The following LINGO2 variants were observed in gnomAD, a reference collection of about 807,000 sequenced individuals.
LINGO2 encodes leucine-rich repeat and immunoglobulin-like domain-containing nogo receptor-interacting protein 2.
LINGO2 carries 14 observed loss-of-function variants against 30.6 expected under a neutral mutation model. The observed-to-expected ratio is 0.46, with a 90% confidence interval of 0.30 to 0.72. The LOEUF (loss-of-function observed/expected upper bound fraction) is 0.72, where lower values mean the gene tolerates loss of function less well. Ranked by LOEUF, LINGO2 falls within the 30% of genes least tolerant of loss-of-function variation. The probability of loss-of-function intolerance (pLI) is 0.07; values close to 1 mark genes in which losing one functional copy is unlikely to be tolerated. For synonymous variants in LINGO2, 317 were observed against 288.5 expected (o/e 1.10, Z -1.00); for missense variants, 729 against 751.7 (o/e 0.97, Z 0.35).
chr9:28,856,438 C>G, the LINGO2 span, among the ~76,000 whole-genome samples: 1 of 151,952 alleles, frequency 6.6e-6, no homozygotes, highest in Non-Finnish European at 1.5e-5. Flanking sequence ...TATGGTGGTT[C>G]TATGTGTTTT....
the LINGO2 span, among the ~76,000 whole-genome samples, chr9:28,880,135 G>A: frequency 7.9e-5 from 12 of 152,144 alleles, no homozygotes; most frequent in Non-Finnish European, 1.8e-4. Flanking sequence ...TTGAGACTGA[G>A]TCTCGCTCTG....
chr9:29,033,331 G>T, the LINGO2 span, among the ~76,000 whole-genome samples: 1 of 147,992 alleles, frequency 6.8e-6, no homozygotes, highest in African/African-American at 2.5e-5. Context: ...AAAAGTTTCT[G>T]GTTTGGATTG....
At chr9:28,184,657 G>C (rs140422916) in intron 4 of LINGO2, among the ~76,000 whole-genome samples, 2 of 152,104 alleles carry the variant, frequency 1.3e-5, no homozygotes, top group Non-Finnish European at 2.9e-5. Flanking sequence ...GAGTCTGATA[G>C]ACTGAGACAG....
the LINGO2 span, among the ~76,000 whole-genome samples, chr9:28,839,045 A>T: frequency 1.3e-5 from 2 of 152,192 alleles, no homozygotes; most frequent in African/African-American, 2.4e-5. Flanking sequence ...GCGCCTGGAA[A>T]CTTGGAGATA....
At chr9:29,116,946 A>G in the LINGO2 span, among the ~76,000 whole-genome samples, 1 of 152,168 alleles carries the variant, frequency 6.6e-6, no homozygotes, top group Non-Finnish European at 1.5e-5. Flanking sequence ...ATGTTCTCTT[A>G]AGGACATACT....
the LINGO2 span, among the ~76,000 whole-genome samples, chr9:28,837,681 T>TATA: frequency 7.6e-6 from 1 of 130,824 alleles, no homozygotes; most frequent in African/African-American, 2.9e-5. Context: ...TATATATATA[T>TATA]TTAGGATAAC....
chr9:28,368,762 A>G (rs1204190550), intron 3 of LINGO2, among the ~76,000 whole-genome samples: 1 of 150,432 alleles, frequency 6.6e-6, no homozygotes, highest in Non-Finnish European at 1.5e-5. Flanking sequence ...ACGCCCGGCT[A>G]ATTTTTTGTA....
chr9:28,253,292 C>A (rs2134017314), intron 4 of LINGO2, among the ~76,000 whole-genome samples: 1 of 152,192 alleles, frequency 6.6e-6, no homozygotes, highest in South Asian at 2.1e-4. Context: ...CATCAACAAG[C>A]ATTTATTGAC....
intron 1 of LINGO2, among the ~76,000 whole-genome samples, chr9:28,638,915 G>C (rs1451091470): frequency 6.6e-6 from 1 of 152,022 alleles, no homozygotes; most frequent in African/African-American, 2.4e-5. Flanking sequence ...TGATGTTAAG[G>C]TGTCAATTTT....
chr9:28,639,285 A>T (rs1827449596), intron 1 of LINGO2, among the ~76,000 whole-genome samples: 2 of 152,140 alleles, frequency 1.3e-5, no homozygotes, highest in African/African-American at 4.8e-5. Flanking sequence ...ACTGAGAAGA[A>T]TGTATATTCT....
chr9:28,556,215 T>G (rs1411590823), intron 1 of LINGO2, among the ~76,000 whole-genome samples: 3 of 152,086 alleles, frequency 2.0e-5, no homozygotes, highest in Non-Finnish European at 2.9e-5. Context: ...TGTCCCTGTT[T>G]GCAGACGACA....
chr9:28,148,426 G>A lies in LINGO2; in HGVS notation c.-86-136021C>T, dbSNP rs564319811. The A allele has an allele frequency of 5.0e-5, 66 of 1,326,762 alleles. No individual in the cohort carries two copies. The highest frequency in any genetic ancestry group is 1.9e-4 in the Middle Eastern group (1 of 5,272). 82.2% of individuals were successfully genotyped at this position (1,326,762 alleles called of 1,614,324 possible). A position where few individuals can be genotyped will look rare whatever the true frequency, so the allele number is the denominator to read the frequency against. On this transcript the variant is annotated intron_variant, in intron 4 of 5. Coordinates refer to ENST00000379992, the Ensembl canonical transcript of LINGO2. This position sits in a 1 kb window ranked among gnomAD's most constrained non-coding sequence, Gnocchi z 5.1. Reference sequence around the variant, plus strand: ...AGCAGGTGATCCCAGCCAGGCTCCCGAAGATGGAGGTGAGGGCAGAAGAGC... The same window carrying A: ...AGCAGGTGATCCCAGCCAGGCTCCCAAAGATGGAGGTGAGGGCAGAAGAGC...
At chr9:28,057,178 T>A (rs186636458) in intron 4 of LINGO2, among the ~76,000 whole-genome samples, 108 of 152,298 alleles carry the variant, frequency 7.1e-4, no homozygotes, top group African/African-American at 2.5e-3. Flanking sequence ...TCTACTAAGA[T>A]GCTGGCTACA....
At chr9:28,958,111 G>T in the LINGO2 span, among the ~76,000 whole-genome samples, 1 of 151,994 alleles carries the variant, frequency 6.6e-6, no homozygotes, top group Non-Finnish European at 1.5e-5. Flanking sequence ...TCTTTATTCA[G>T]TGCAATCGTA....
the LINGO2 span, among the ~76,000 whole-genome samples, chr9:28,761,484 G>GCACACA: frequency 1.3e-5 from 2 of 149,116 alleles, no homozygotes; most frequent in East Asian, 2.0e-4. Flanking sequence ...ATATACATGC[G>GCACACA]CACACACACA....
the LINGO2 span, among the ~76,000 whole-genome samples, chr9:28,971,971 A>G: frequency 1.3e-5 from 2 of 152,240 alleles, no homozygotes; most frequent in Non-Finnish European, 2.9e-5. Context: ...TTTGTTTGGA[A>G]GAAAGTAAGG....
At chr9:28,987,471 G>C in the LINGO2 span, among the ~76,000 whole-genome samples, 5 of 151,412 alleles carry the variant, frequency 3.3e-5, no homozygotes, top group African/African-American at 9.7e-5. Flanking sequence ...ATGTTAATTT[G>C]ATATTTTCTA....
At chr9:28,690,940 A>C in the LINGO2 span, among the ~76,000 whole-genome samples, 1 of 152,342 alleles carries the variant, frequency 6.6e-6, no homozygotes, top group African/African-American at 2.4e-5. Flanking sequence ...GAGAAATTTC[A>C]GTATATAGAA....
intron 3 of LINGO2, among the ~76,000 whole-genome samples, chr9:28,341,757 T>G (rs574944150): frequency 6.6e-6 from 1 of 152,306 alleles, no homozygotes; most frequent in South Asian, 2.1e-4. Context: ...ATAAGTATCC[T>G]AGACTGGCCT....
Sources: gnomAD v4.1 joint callset for allele counts (sites outside exome capture counted in the v4.1 genomes callset) on GRCh38, gnomAD v4.1.1 for gene constraint, Gnocchi (gnomAD v3.1) non-coding constraint, MANE v1.5 for transcripts, NCBI Gene and HGNC (gene_info 2026-07-23, HGNC 2026-07-21) for gene names.